SELENOI: variants seen among roughly 807,000 people sequenced by gnomAD.
The protein encoded by SELENOI is ethanolaminephosphotransferase 1.
A neutral mutation model predicts 50.7 loss-of-function variants in SELENOI; 24 were observed. That is an observed-to-expected ratio of 0.47 (90% CI 0.34 to 0.67). The LOEUF (loss-of-function observed/expected upper bound fraction) is 0.67, where lower values mean the gene tolerates loss of function less well. Among genes scored for constraint, SELENOI ranks in the 30% least tolerant of loss-of-function variants. The probability of loss-of-function intolerance (pLI) is 0.01; values close to 1 mark genes in which losing one functional copy is unlikely to be tolerated. For missense variants in SELENOI, 352 were observed against 461.4 expected (o/e 0.76, Z 2.17); for synonymous variants, 155 against 170.2 (o/e 0.91, Z 0.70).
intron 9 of SELENOI, among the ~76,000 whole-genome samples, chr2:26,386,836 A>G (rs1466209217): frequency 6.6e-6 from 1 of 152,234 alleles, no homozygotes; most frequent in Non-Finnish European, 1.5e-5. Context: ...GGTGAGTAGA[A>G]TTGTAAACTG....
At chr2:26,347,769 T>G (rs1281191354) in intron 1 of SELENOI, among the ~76,000 whole-genome samples, 1 of 152,184 alleles carries the variant, frequency 6.6e-6, no homozygotes, top group African/African-American at 2.4e-5. Flanking sequence ...ATGGGAGCAG[T>G]GTTTATAATA....
In SELENOI at chr2:26,391,335, CTCTTTT is replaced by C. The variant is rs1248525803; in HGVS notation, c.*2237_*2242del. On this transcript the variant is annotated 3_prime_UTR_variant, in exon 10 of 10. Transcript: ENST00000260585. ...TTGAGGATCTTTAGTGTACTGCTGA[CTCTTTT>C]TCTTGTTTTGTCTGCCATTCTTGAA... 6.6e-6 allele frequency: 1 copy of C among 152,180 alleles called. No individual in the cohort carries two copies. The highest frequency in any genetic ancestry group is 2.4e-5 in the African/African-American group (1 of 41,430). The allele number at this position is 152,180 out of a possible 1,614,324, so 9.4% of individuals were successfully genotyped here.
At chr2:26,376,640 G>A (rs565969044) in intron 6 of SELENOI, among the ~76,000 whole-genome samples, 2 of 152,284 alleles carry the variant, frequency 1.3e-5, no homozygotes, top group African/African-American at 4.8e-5. Context: ...CCCGGGTTGT[G>A]TTATAATATA....
At chr2:26,359,280 A>G (rs762944472) in intron 1 of SELENOI, among the ~76,000 whole-genome samples, 6 of 152,178 alleles carry the variant, frequency 3.9e-5, no homozygotes, top group Non-Finnish European at 7.3e-5. Flanking sequence ...GGAGTATAGG[A>G]ACAGATGATG....
In SELENOI at chr2:26,385,016, A is replaced by T. The variant is rs752357049; in HGVS notation, c.789A>T (p.Leu263Phe). 1.9e-6 allele frequency: 3 copies of T among 1,612,782 alleles called. No homozygotes were observed. Among genetic ancestry groups the T allele is most frequent in the Middle Eastern group, 1.7e-4 (1 of 6,056 alleles). The change falls in exon 8 of 10, where the codon TTA becomes TTT. Residue 263 changes from leucine (L) to phenylalanine (F), a missense_variant. Transcript: ENST00000260585. ...CAGTCTATGAAGCTATGGTTCCCTT[A>T]TTTTCTCCATGCTTGCTGTTCATTT... ...LNSVYEAMVP[L>F]FSPCLLFILS...
rs780374486 is a variant in SELENOI at position 26,373,386 on chromosome 2, AG to A, written c.331del (p.Ala111LeufsTer10). 1 of 1,610,770 alleles carries A rather than the reference AG, an allele frequency of 6.2e-7. No individual in the cohort carries two copies. ...TTGCAGATGGTGTGGACGGAAAGCA[AG>A]CTCGCAGAACCAATTCTAGCACTCC... ...YTLDGVDGKQ[A>X]RRTNSSTPLG... On this transcript the variant is annotated frameshift_variant, in exon 5 of 10. Transcript: ENST00000260585. LOFTEE classifies it high-confidence loss of function.
chr2:26,346,654 C>T (rs1676778476), intron 1 of SELENOI: 2 of 172,842 alleles, frequency 1.2e-5, no homozygotes, highest in African/African-American at 2.4e-5. Context: ...TTTCCACTCG[C>T]CTGTCATGCA....
At chr2:26,360,290 AC>A (rs1344116501) in intron 1 of SELENOI, among the ~76,000 whole-genome samples, 1 of 152,222 alleles carries the variant, frequency 6.6e-6, no homozygotes, top group Non-Finnish European at 1.5e-5. Flanking sequence ...AGGCGAGAGC[AC>A]AGAGTTTTGC....
intron 6 of SELENOI, among the ~76,000 whole-genome samples, chr2:26,376,413 A>G (rs926563948): frequency 2.0e-5 from 3 of 152,232 alleles, no homozygotes; most frequent in Non-Finnish European, 4.4e-5. Flanking sequence ...TGCATGTTAC[A>G]TTTAAGTGTT....
rs1314807476 is a variant in SELENOI at position 26,346,247 on chromosome 2, A to G, written c.15A>G (p.Glu5=). 6.2e-7 allele frequency: 1 copy of G among 1,613,486 alleles called. No homozygotes were observed. The highest frequency in any genetic ancestry group is 1.3e-5 in the African/African-American group (1 of 74,916). Residue 5 remains glutamate (E), a synonymous_variant, in exon 1 of 10, where the codon GAA becomes GAG. Transcript: ENST00000260585. The part of the protein sequence containing the change: MAGY[E]YVSPEQLAGF... ...TTCGGGTCGTCATGGCTGGCTACGA[A>G]TACGTGAGCCCGGAGCAGCTGGCTG...
chr2:26,379,046 A>G (rs1677627930), intron 6 of SELENOI, among the ~76,000 whole-genome samples: 2 of 152,288 alleles, frequency 1.3e-5, no homozygotes, highest in South Asian at 2.1e-4. Context: ...AGGCCAAGAC[A>G]GGCTGATCAT....
intron 1 of SELENOI, 62 bp from the exon 2 acceptor site, chr2:26,364,240 T>A: frequency 8.4e-7 from 1 of 1,185,346 alleles, no homozygotes; most frequent in Non-Finnish European, 1.2e-6. Flanking sequence ...ACCTAAGAAA[T>A]GTTATTCTGT....
At chr2:26,362,729 C>T (rs1677207419) in intron 1 of SELENOI, among the ~76,000 whole-genome samples, 1 of 151,596 alleles carries the variant, frequency 6.6e-6, no homozygotes, top group South Asian at 2.1e-4. Context: ...GCATTCCCGC[C>T]TGGGTGACAG....
rs1340215661 is a variant in SELENOI at position 26,392,267 on chromosome 2, TAACATCCTATGAATTTGA to T, written c.*3185_*3202del. Reference sequence around the variant, plus strand: ...CCACTTTAAAGGGAAGAAGGGACTTTAACATCCTATGAATTTGAAACATCCTATGAATTTGAAAGTTTC... The same window carrying T: ...CCACTTTAAAGGGAAGAAGGGACTTTAACATCCTATGAATTTGAAAGTTTC... On this transcript the variant is annotated 3_prime_UTR_variant, in exon 10 of 10. Transcript: ENST00000260585. 3 of 152,186 alleles carry T rather than the reference TAACATCCTATGAATTTGA, an allele frequency of 2.0e-5. No individual in the cohort carries two copies. The highest frequency in any genetic ancestry group is 2.9e-5 in the Non-Finnish European group (2 of 68,026). 9.4% of individuals were successfully genotyped at this position (152,186 alleles called of 1,614,324 possible). A position where few individuals can be genotyped will look rare whatever the true frequency, so the allele number is the denominator to read the frequency against.
chr2:26,373,961 G>A (rs1223900539), intron 5 of SELENOI, among the ~76,000 whole-genome samples: 1 of 151,880 alleles, frequency 6.6e-6, no homozygotes, highest in East Asian at 1.9e-4. Flanking sequence ...TATGTTGGCT[G>A]GGCTGGTCTC....
chr2:26,389,218 TG>T lies in SELENOI; in HGVS notation c.*117del, dbSNP rs1677911111. On this transcript the variant is annotated 3_prime_UTR_variant, in exon 10 of 10. Coordinates refer to ENST00000260585, the MANE Select transcript of SELENOI (RefSeq NM_033505.4). ...AGACGTGGGATCTCAGTATGGTACT[TG>T]GACAGCAGGAATGATACATATAATC... The T allele has an allele frequency of 1.3e-6, 1 of 784,704 alleles. No individual in the cohort carries two copies. The highest frequency in any genetic ancestry group is 1.7e-5 in the South Asian group (1 of 58,608). 48.6% of individuals were successfully genotyped at this position (784,704 alleles called of 1,614,324 possible). A position where few individuals can be genotyped will look rare whatever the true frequency, so the allele number is the denominator to read the frequency against.
intron 6 of SELENOI, among the ~76,000 whole-genome samples, chr2:26,377,834 G>A (rs2147958357): frequency 6.6e-6 from 1 of 151,892 alleles, no homozygotes; most frequent in Non-Finnish European, 1.5e-5. Flanking sequence ...TCTGTTGACT[G>A]CTTTTTTTTC....
intron 4 of SELENOI, among the ~76,000 whole-genome samples, chr2:26,369,636 A>C (rs1229877594): frequency 6.6e-6 from 1 of 152,186 alleles, no homozygotes; most frequent in African/African-American, 2.4e-5. Context: ...TCATACCGTC[A>C]GGTGCCTCTT....
At chr2:26,349,781 A>G (rs1676914178) in intron 1 of SELENOI, among the ~76,000 whole-genome samples, 1 of 149,280 alleles carries the variant, frequency 6.7e-6, no homozygotes, top group Non-Finnish European at 1.5e-5. Flanking sequence ...AAGGGAGGAA[A>G]TATTCTGTGA....
Sources: allele counts gnomAD v4.1 joint callset (sites outside exome capture counted in the v4.1 genomes callset), GRCh38; gene constraint gnomAD v4.1.1; transcripts MANE v1.5; gene names NCBI Gene and HGNC (gene_info 2026-07-23, HGNC 2026-07-21).